The following VPS39 variants were observed in gnomAD, a reference collection of about 807,000 sequenced individuals.
The protein encoded by VPS39 is VPS39 subunit of HOPS complex.
In VPS39, 70 loss-of-function variants were observed where a neutral mutation model predicts 121.0. The ratio of observed to expected loss-of-function variants is 0.58; its 90% confidence interval spans 0.48 to 0.71. The LOEUF is 0.71. Ranked by LOEUF, VPS39 falls within the 30% of genes least tolerant of loss-of-function variation. VPS39 has a pLI of 0.00. For synonymous variants in VPS39, 378 were observed against 398.1 expected (o/e 0.95, Z 0.60); for missense variants, 818 against 1,051.5 (o/e 0.78, Z 3.07).
rs1242209785 is a variant in VPS39 at position 42,169,790 on chromosome 15, T to G, written c.1167A>C (p.Pro389=). 2 of 1,613,970 alleles carry G rather than the reference T, an allele frequency of 1.2e-6. No homozygotes were observed. Among genetic ancestry groups the G allele is most frequent in the Non-Finnish European group, 1.7e-6 (2 of 1,180,014 alleles). Residue 389 remains proline, a synonymous_variant, in exon 12 of 25, where the codon CCA becomes CCC. Transcript: ENST00000318006. ...DYRKQLQYPN[P]LPVLSGAELE... ...ATTCAGCCCCGGAGAGCACAGGCAA[T>G]GGGTTGGGATACTGCAACTGCTTTC...
At chr15:42,195,960 A>T (rs771671419) in intron 2 of VPS39, among the ~76,000 whole-genome samples, 1 of 152,194 alleles carries the variant, frequency 6.6e-6, no homozygotes, top group Non-Finnish European at 1.5e-5. Flanking sequence ...ATGGTACTGG[A>T]ACCAAAACAG....
intron 5 of VPS39, 81 bp from the exon 6 acceptor site, chr15:42,187,937 T>C: frequency 1.5e-6 from 2 of 1,341,094 alleles, no homozygotes; most frequent in Non-Finnish European, 2.1e-6. Flanking sequence ...ATTGTCTACC[T>C]TGAAATTGCT....
At chr15:42,183,034 T>C (rs2049616466) in intron 8 of VPS39, among the ~76,000 whole-genome samples, 1 of 152,092 alleles carries the variant, frequency 6.6e-6, no homozygotes, top group African/African-American at 2.4e-5. Context: ...GACCTTTTGA[T>C]TTCTCTTCCT....
At position 42,162,413 on chromosome 15, in the gene VPS39, C is replaced by T; in HGVS notation, c.2244G>A (p.Leu748=). 2 of 1,613,814 alleles carry T rather than the reference C, an allele frequency of 1.2e-6. No individual in the cohort carries two copies. The highest frequency in any genetic ancestry group is 1.7e-6 in the Non-Finnish European group (2 of 1,179,908). ...PSIHCLGPIK[L]ELLEPKANLQ... ...GGTTGGCTTTTGGCTCCAGTAGTTC[C>T]AGCTTGATTGGCCCCAGGCAGTGAA... Residue 748 remains leucine, a synonymous_variant, in exon 22 of 25, where the codon CTG becomes CTA. Coordinates refer to ENST00000318006, the MANE Select transcript of VPS39 (RefSeq NM_015289.5).
chr15:42,178,683 G>C (rs1415050260), intron 8 of VPS39, 113 bp from the exon 9 acceptor site: 1 of 1,445,472 alleles, frequency 6.9e-7, no homozygotes, highest in Non-Finnish European at 9.5e-7. Flanking sequence ...AAGTCCCCTA[G>C]TCAAATATCA....
At chr15:42,190,937 C>T (rs1417807695) in intron 4 of VPS39, among the ~76,000 whole-genome samples, 188 bp downstream of exon 4, 2 of 152,190 alleles carry the variant, frequency 1.3e-5, no homozygotes, top group African/African-American at 2.4e-5. Context: ...AAGTGAGACT[C>T]CTTGGAGAGA....
At position 42,163,387 on chromosome 15, in the gene VPS39, T is replaced by C. The variant is rs1202166925; in HGVS notation, c.2138A>G (p.His713Arg). 3 of 1,614,202 alleles carry C rather than the reference T, an allele frequency of 1.9e-6. No homozygotes were observed. In the South Asian group the frequency reaches 3.3e-5, roughly 18 times the overall value. Residue 713 changes from histidine (H) to arginine (R), a missense_variant, in exon 21 of 25, where the codon CAC (histidine) becomes CGC (arginine). Physicochemically the swap from His to Arg is conservative, Grantham distance 29 (BLOSUM62 0). Transcript: ENST00000318006. ...ATCTTTGTTTCGGTCATAGTGTTTG[T>C]GGCAGTACCTGCAAGGGAGAGAGTG... is the stretch of plus-strand genomic sequence containing the variant. ...KDTRMAEEYC[H>R]KHYDRNKDGN...
rs1368199104 is a variant in VPS39, at chr15:42,173,830, C to T, written c.983G>A (p.Ser328Asn). 5 of 1,614,060 alleles carry T rather than the reference C, an allele frequency of 3.1e-6. No individual in the cohort carries two copies. Among genetic ancestry groups the T allele is most frequent in the Non-Finnish European group, 4.2e-6 (5 of 1,180,012 alleles). Residue 328 changes from serine to asparagine, a missense_variant, in exon 11 of 25, where the codon AGT becomes AAT. Coordinates refer to ENST00000318006, the MANE Select transcript of VPS39 (RefSeq NM_015289.5). ...GTGATGAATTTGTTGCTGCTTTTCA[C>T]TGTCAGAATCATCTTTCATTTCCTA... is the stretch of plus-strand genomic sequence containing the variant. ...QLAEMKDDSD[S>N]EKQQQIHHIK... is the part of the protein sequence containing the mutation.
At chr15:42,179,685 T>C (rs932839982) in intron 8 of VPS39, among the ~76,000 whole-genome samples, 2 of 151,820 alleles carry the variant, frequency 1.3e-5, no homozygotes. Context: ...AATTCTGTTT[T>C]CCCTAAAATT....
intron 2 of VPS39, among the ~76,000 whole-genome samples, chr15:42,195,310 C>T (rs112674248): frequency 0.072 from 10,959 of 152,132 alleles, 472 homozygotes; most frequent in South Asian, 0.18. Flanking sequence ...CATGATGGCA[C>T]GCATCTGTAG....
chr15:42,196,939 G>A (rs2049953125), intron 2 of VPS39, among the ~76,000 whole-genome samples: 1 of 152,038 alleles, frequency 6.6e-6, no homozygotes, highest in Non-Finnish European at 1.5e-5. Flanking sequence ...GTCCATCAAT[G>A]ATAGACTGGA....
intron 19 of VPS39, 76 bp downstream of exon 19, chr15:42,164,282 G>A: frequency 6.3e-7 from 1 of 1,577,564 alleles, no homozygotes; most frequent in Non-Finnish European, 8.6e-7. Flanking sequence ...GGAGAGTTGG[G>A]GAACAATTAA....
intron 24 of VPS39, 91 bp from the exon 25 acceptor site, chr15:42,160,920 T>G: frequency 7.4e-7 from 1 of 1,344,530 alleles, no homozygotes; most frequent in Non-Finnish European, 1.1e-6. Context: ...GGCACATTGC[T>G]GGGGGGCCAT....
In VPS39 at chr15:42,162,415, G is replaced by A. The variant is rs761080838; in HGVS notation, c.2242C>T (p.Leu748=). 8 of 1,613,686 alleles carry A rather than the reference G, an allele frequency of 5.0e-6. No individual in the cohort carries two copies. The African/African-American group carries it at 6.7e-5, about 13-fold the overall frequency. The change falls in exon 22 of 25, where the codon CTG becomes TTG. Residue 748 remains leucine, a synonymous_variant. Transcript: ENST00000318006. ...PSIHCLGPIK[L]ELLEPKANLQ... ...TTGGCTTTTGGCTCCAGTAGTTCCA[G>A]CTTGATTGGCCCCAGGCAGTGAATG...
intron 20 of VPS39, 112 bp downstream of exon 20, chr15:42,163,514 G>A: frequency 6.5e-7 from 1 of 1,534,138 alleles, no homozygotes; most frequent in Non-Finnish European, 9.0e-7. Flanking sequence ...CCAGGACGGA[G>A]GCGATTCTTG....
At chr15:42,169,533 G>A (rs1208296535) in intron 12 of VPS39, among the ~76,000 whole-genome samples, 191 bp downstream of exon 12, 1 of 152,074 alleles carries the variant, frequency 6.6e-6, no homozygotes, top group Non-Finnish European at 1.5e-5. Flanking sequence ...TCAAGATTTG[G>A]CAGAAAACCC....
At chr15:42,192,040 A>C (rs983523432) in intron 2 of VPS39, 90 of 1,536,072 alleles carry the variant, frequency 5.9e-5, no homozygotes, top group Non-Finnish European at 7.8e-5. Flanking sequence ...TCCAGAGCTA[A>C]AGCAATTCAA....
intron 11 of VPS39, among the ~76,000 whole-genome samples, chr15:42,172,311 G>A (rs540086886): frequency 6.6e-6 from 1 of 152,244 alleles, no homozygotes; most frequent in South Asian, 2.1e-4. Context: ...AAGAACTGAG[G>A]CCCCTGGCTC....
intron 8 of VPS39, among the ~76,000 whole-genome samples, chr15:42,179,454 G>A (rs1226071099): frequency 6.6e-6 from 1 of 151,260 alleles, no homozygotes; most frequent in African/African-American, 2.4e-5. Flanking sequence ...GCAGGCGCCT[G>A]TAGTCCCAGC....
Sources: allele counts gnomAD v4.1 joint callset (sites outside exome capture counted in the v4.1 genomes callset), GRCh38; gene constraint gnomAD v4.1.1; transcripts MANE v1.5; gene names NCBI Gene and HGNC (gene_info 2026-07-23, HGNC 2026-07-21).